Variants in ARHGAP29 observed in about 807,000 individuals in gnomAD.
ARHGAP29 encodes rho GTPase-activating protein 29.
In ARHGAP29, 43 loss-of-function variants were observed where a neutral mutation model predicts 122.6. The observed-to-expected ratio is 0.35, with a 90% CI of 0.27 to 0.45. ARHGAP29 has a LOEUF of 0.45. Ranked by LOEUF, ARHGAP29 falls within the 20% of genes least tolerant of loss-of-function variation. The pLI is 1.00. For synonymous variants in ARHGAP29, 506 were observed against 497.1 expected, an observed-to-expected ratio of 1.02 and a Z score of -0.24; for missense variants, 1,303 against 1,477.2, an observed-to-expected ratio of 0.88 and a Z score of 1.93.
At chr1:94,273,464 A>G (rs529370025) in intron 1 of ARHGAP29, among the ~76,000 whole-genome samples, 4 of 152,312 alleles carry the variant, frequency 2.6e-5, no homozygotes, top group African/African-American at 9.6e-5. Flanking sequence ...AACTTTCTTG[A>G]TACAAAAAAC....
At chr1:94,183,187 T>C (rs1223052265) in intron 19 of ARHGAP29, among the ~76,000 whole-genome samples, 3 of 123,484 alleles carry the variant, frequency 2.4e-5, no homozygotes, top group East Asian at 2.3e-4. Flanking sequence ...ACAGTTATTA[T>C]ATGTCAATTA....
At chr1:94,223,865 C>T (rs528416351) in intron 2 of ARHGAP29, among the ~76,000 whole-genome samples, 16 of 151,270 alleles carry the variant, frequency 1.1e-4, no homozygotes, top group East Asian at 2.0e-4. Context: ...TAGAATGCCA[C>T]GGTGCAATCT....
upstream of ARHGAP29, among the ~76,000 whole-genome samples, chr1:94,238,269 C>A (rs1017820394): frequency 6.6e-6 from 1 of 151,786 alleles, no homozygotes; most frequent in African/African-American, 2.4e-5. Context: ...CTATGTTGGC[C>A]AAGCTGGTCT....
intron 1 of ARHGAP29, among the ~76,000 whole-genome samples, chr1:94,269,550 C>A (rs1310364676): frequency 6.6e-6 from 1 of 151,320 alleles, no homozygotes; most frequent in Non-Finnish European, 1.5e-5. Flanking sequence ...ACAGAGGGAG[C>A]AAAATATATC....
chr1:94,237,233 C>T (rs560105913), intron 1 of ARHGAP29, among the ~76,000 whole-genome samples, 182 bp downstream of exon 1: 1 of 152,132 alleles, frequency 6.6e-6, no homozygotes, highest in African/African-American at 2.4e-5. Flanking sequence ...GGACCCTTCC[C>T]GTGGACTCCA....
intron 12 of ARHGAP29, among the ~76,000 whole-genome samples, chr1:94,197,389 A>G (rs867799071): frequency 2.2e-4 from 33 of 152,350 alleles, no homozygotes; most frequent in South Asian, 1.7e-3. Flanking sequence ...TCCAAAGGAG[A>G]AAATCCCAAG....
chr1:94,209,910 T>C (rs1408903750), intron 3 of ARHGAP29, among the ~76,000 whole-genome samples: 1 of 152,182 alleles, frequency 6.6e-6, no homozygotes, highest in East Asian at 1.9e-4. Flanking sequence ...AAAATTCCTA[T>C]TTACTTACAG....
At chr1:94,289,041 G>A in the ARHGAP29 span, among the ~76,000 whole-genome samples, 2 of 152,270 alleles carry the variant, frequency 1.3e-5, no homozygotes, top group African/African-American at 2.4e-5. Flanking sequence ...ACAGTGGCAG[G>A]TTGATGGGGA....
At chr1:94,285,446 G>C in the ARHGAP29 span, among the ~76,000 whole-genome samples, 3 of 152,160 alleles carry the variant, frequency 2.0e-5, no homozygotes, top group Non-Finnish European at 4.4e-5. Context: ...CTGTAATAAA[G>C]TTAAGCTCAG....
intron 1 of ARHGAP29, among the ~76,000 whole-genome samples, chr1:94,265,011 C>T (rs1654707494): frequency 6.6e-6 from 1 of 152,202 alleles, no homozygotes; most frequent in Admixed American, 6.5e-5. Context: ...CAGTGAGAAA[C>T]TGATACTTCA....
At chr1:94,224,131 AT>A (rs1212699068) in intron 2 of ARHGAP29, among the ~76,000 whole-genome samples, 1 of 152,018 alleles carries the variant, frequency 6.6e-6, no homozygotes, top group African/African-American at 2.4e-5. Flanking sequence ...CTGATGTGCT[AT>A]TTTTTCCCCA....
intron 8 of ARHGAP29, among the ~76,000 whole-genome samples, chr1:94,203,574 A>G (rs1460274840): frequency 6.6e-6 from 1 of 152,060 alleles, no homozygotes; most frequent in Non-Finnish European, 1.5e-5. Flanking sequence ...ATCTCTACAA[A>G]AACATGCAAA....
the ARHGAP29 span, among the ~76,000 whole-genome samples, chr1:94,292,392 T>C: frequency 8.9e-4 from 136 of 152,328 alleles, 1 homozygote; most frequent in East Asian, 0.024. Flanking sequence ...TTGCGATGAG[T>C]TAGAATGTGG....
intron 1 of ARHGAP29, among the ~76,000 whole-genome samples, chr1:94,236,683 ATTTT>A (rs962674969): frequency 1.3e-5 from 2 of 150,676 alleles, no homozygotes; most frequent in Admixed American, 6.6e-5. Context: ...CCCCCAAAAA[ATTTT>A]TTTTTTTAAT....
chr1:94,275,760 G>A (rs1190501624), upstream of ARHGAP29, among the ~76,000 whole-genome samples: 1 of 152,140 alleles, frequency 6.6e-6, no homozygotes, highest in African/African-American at 2.4e-5. Flanking sequence ...ATAAGAGAGT[G>A]TGTTAGAACA....
chr1:94,176,122 A>G (rs192828892), intron 22 of ARHGAP29, among the ~76,000 whole-genome samples: 231 of 152,310 alleles, frequency 1.5e-3, no homozygotes, highest in African/African-American at 5.3e-3. Context: ...TCTGAGGGAA[A>G]AACTTAGAGC....
chr1:94,251,454 A>G (rs1277144420), intron 1 of ARHGAP29, among the ~76,000 whole-genome samples: 1 of 152,150 alleles, frequency 6.6e-6, no homozygotes, highest in African/African-American at 2.4e-5. Flanking sequence ...TACCCATTTT[A>G]TAAATGAAAA....
intron 19 of ARHGAP29, among the ~76,000 whole-genome samples, chr1:94,181,563 G>A (rs1484707675): frequency 6.6e-6 from 1 of 152,088 alleles, no homozygotes; most frequent in Non-Finnish European, 1.5e-5. Context: ...ACTACCCCAA[G>A]AACAGAAACC....
intron 7 of ARHGAP29, among the ~76,000 whole-genome samples, 186 bp downstream of exon 7, chr1:94,204,875 G>A (rs1651094465): frequency 1.3e-5 from 2 of 152,162 alleles, no homozygotes; most frequent in South Asian, 4.1e-4. Flanking sequence ...AGGTCTAGTA[G>A]TTGGTCCACA....
Sources: gnomAD v4.1 joint callset for allele counts (sites outside exome capture counted in the v4.1 genomes callset) on GRCh38, gnomAD v4.1.1 for gene constraint, MANE v1.5 for transcripts, NCBI Gene and HGNC (gene_info 2026-07-23, HGNC 2026-07-21) for gene names.